Variants in GCFC2 observed in about 807,000 individuals in gnomAD.
GCFC2 encodes the protein intron Large complex component GCFC2.
Under a neutral mutation model 99.4 loss-of-function variants are expected in GCFC2, and 102 were observed. The ratio of observed to expected loss-of-function variants is 1.03; its 90% confidence interval spans 0.87 to 1.21. GCFC2 has a LOEUF of 1.21. Among genes scored for constraint, GCFC2 ranks in the 50% most tolerant of loss-of-function variants. GCFC2 has a pLI of 0.00. For missense variants in GCFC2, 973 were observed against 920.9 expected (o/e 1.06, Z -0.73); for synonymous variants, 338 against 316.8 (o/e 1.07, Z -0.71).
At chr2:75,684,388 A>C (rs1016665164) in intron 11 of GCFC2, among the ~76,000 whole-genome samples, 3 of 152,238 alleles carry the variant, frequency 2.0e-5, no homozygotes, top group Non-Finnish European at 2.9e-5. Flanking sequence ...TACTGGGTAA[A>C]TAAAGAAATG....
In GCFC2 at chr2:75,710,607, G is replaced by T; in HGVS notation, c.249C>A (p.Arg83=). 6.6e-7 allele frequency: 1 copy of T among 1,513,920 alleles called. No individual in the cohort carries two copies. Among genetic ancestry groups the T allele is most frequent in the Non-Finnish European group, 8.8e-7 (1 of 1,138,116 alleles). The allele number at this position is 1,513,920 out of a possible 1,614,324, so 93.8% of individuals were successfully genotyped here. Residue 83 remains arginine (R), a synonymous_variant, in exon 1 of 17, where the codon CGC becomes CGA. Coordinates refer to ENST00000321027, the MANE Select transcript of GCFC2 (RefSeq NM_003203.5). ...SSRRATKAAP[R]ADEGSESRTL... ...CCTGGACACCTGAGCCTTCGTCCGCGCGGGGAGCCGCTTTGGTGGCACGCC... is the reference window on the plus strand; with the variant it reads ...CCTGGACACCTGAGCCTTCGTCCGCTCGGGGAGCCGCTTTGGTGGCACGCC...
At position 75,664,758 on chromosome 2, in the gene GCFC2, T is replaced by G; in HGVS notation, c.2254A>C (p.Ile752Leu). 6.4e-7 allele frequency: 1 copy of G among 1,557,288 alleles called. No homozygotes were observed. The highest frequency in any genetic ancestry group is 8.8e-7 in the Non-Finnish European group (1 of 1,130,200). ...FRDEVEEIILILVKIKALNQA... is the reference protein window; with the variant it reads ...FRDEVEEIILLLVKIKALNQA... Reference sequence around the variant, plus strand: ...TTCAAAGCTTTTATTTTCACCAAAATAAGAATTATTTCTTCGACTTCATCC... The same window carrying G: ...TTCAAAGCTTTTATTTTCACCAAAAGAAGAATTATTTCTTCGACTTCATCC... The change falls in exon 17 of 17, where the codon ATT becomes CTT. Residue 752 changes from isoleucine to leucine, a missense_variant. Transcript: ENST00000321027.
intron 1 of GCFC2, among the ~76,000 whole-genome samples, chr2:75,709,899 G>A (rs1032403086): frequency 5.3e-5 from 8 of 152,070 alleles, no homozygotes; most frequent in Non-Finnish European, 7.4e-5. Flanking sequence ...ACCAAAAACC[G>A]TATTCCTCAT....
At chr2:75,707,749 A>AAATAACG (rs1680939202) in intron 1 of GCFC2, among the ~76,000 whole-genome samples, 2 of 150,900 alleles carry the variant, frequency 1.3e-5, no homozygotes, top group Non-Finnish European at 3.0e-5. Flanking sequence ...CAATAATAAC[A>AAATAACG]TGTTATTTGT....
At chr2:75,668,996 TAAC>T (rs1678970634) in intron 15 of GCFC2, among the ~76,000 whole-genome samples, 1 of 152,142 alleles carries the variant, frequency 6.6e-6, no homozygotes, top group Non-Finnish European at 1.5e-5. Context: ...GTAAGTAAAA[TAAC>T]AACGCCAAAA....
At chr2:75,694,546 G>A (rs1338034277) in intron 5 of GCFC2, 119 bp from the exon 6 acceptor site, 1 of 417,694 alleles carries the variant, frequency 2.4e-6, no homozygotes, top group Non-Finnish European at 4.1e-6. Flanking sequence ...TGGGTTTATA[G>A]ACTAGATAAG....
In GCFC2 at chr2:75,710,572, CCCGCGTCT is replaced by C; in HGVS notation, c.265+11_265+18del. 1 of 1,485,158 alleles carries C rather than the reference CCCGCGTCT, an allele frequency of 6.7e-7. No homozygotes were observed. Among genetic ancestry groups the C allele is most frequent in the Non-Finnish European group, 8.9e-7 (1 of 1,124,812 alleles). The allele number at this position is 1,485,158 out of a possible 1,614,324, so 92.0% of individuals were successfully genotyped here. On this transcript the variant is annotated intron_variant, in intron 1 of 16. Transcript: ENST00000321027. ...CCCTGTGCCGTCACCTCCCCGCTTC[CCCGCGTCT>C]CCCTGGACACCTGAGCCTTCGTCCG...
At chr2:75,711,454 A>T (rs1326083435), upstream of GCFC2, among the ~76,000 whole-genome samples, 2 of 152,232 alleles carry the variant, frequency 1.3e-5, no homozygotes, top group Non-Finnish European at 2.9e-5. Flanking sequence ...CCTTAAAGAA[A>T]CTATCTAAAA....
chr2:75,712,458 C>T (rs920687238), upstream of GCFC2, among the ~76,000 whole-genome samples: 16 of 152,116 alleles, frequency 1.1e-4, no homozygotes, highest in African/African-American at 2.7e-4. Flanking sequence ...GGATTGTAAA[C>T]GCACCAATCA....
At chr2:75,681,889 C>G (rs904657799) in intron 11 of GCFC2, among the ~76,000 whole-genome samples, 5 of 151,960 alleles carry the variant, frequency 3.3e-5, no homozygotes, top group Non-Finnish European at 7.3e-5. Flanking sequence ...CAGACTGCCT[C>G]TCTAGACTCC....
chr2:75,697,425 C>A (rs1242328032), intron 4 of GCFC2, among the ~76,000 whole-genome samples: 7 of 152,210 alleles, frequency 4.6e-5, no homozygotes, highest in Non-Finnish European at 8.8e-5. Flanking sequence ...ATAACCCATT[C>A]AAATATCACC....
intron 4 of GCFC2, among the ~76,000 whole-genome samples, chr2:75,700,144 G>A (rs1032425824): frequency 6.6e-6 from 1 of 152,006 alleles, no homozygotes; most frequent in Non-Finnish European, 1.5e-5. Flanking sequence ...TGATCCACCT[G>A]ACTCAGCCTC....
chr2:75,682,533 C>T (rs1679628169), intron 11 of GCFC2, among the ~76,000 whole-genome samples: 3 of 151,666 alleles, frequency 2.0e-5, no homozygotes, highest in Admixed American at 1.3e-4. Context: ...ACCAGAATGC[C>T]CGTTCTTCAA....
At chr2:75,695,557 G>A (rs1317411958) in intron 5 of GCFC2, among the ~76,000 whole-genome samples, 2 of 152,122 alleles carry the variant, frequency 1.3e-5, no homozygotes, top group African/African-American at 2.4e-5. Flanking sequence ...AAGACATATC[G>A]TAGTCACCCC....
intron 2 of GCFC2, 42 bp from the exon 3 acceptor site, chr2:75,702,465 A>G (rs772882913): frequency 6.7e-7 from 1 of 1,492,142 alleles, no homozygotes; most frequent in African/African-American, 1.4e-5. Context: ...CCAAAGACCA[A>G]TGTAAGTAAA....
In GCFC2 at chr2:75,680,780, C is replaced by T. The variant is rs569927423; in HGVS notation, c.1691-466G>A. 9.6e-4 allele frequency among the ~76,000 whole-genome samples: 146 copies of T among 152,202 alleles called. 1 individual carries two copies. The South Asian group carries it at 0.03, about 31-fold the overall frequency. ...ATTTCCTACTTTATTTTTTCTACTC[C>T]CTTGCATTCTCTTTCAGCTAATTAC... On this transcript the variant is annotated intron_variant, in intron 11 of 16. Coordinates refer to ENST00000321027, the MANE Select transcript of GCFC2 (RefSeq NM_003203.5).
rs761063205 is a variant in GCFC2 at position 75,690,061 on chromosome 2, C to G, written c.1247G>C (p.Arg416Thr). The G allele has an allele frequency of 2.5e-6, 4 of 1,602,206 alleles. No individual in the cohort carries two copies. Among genetic ancestry groups the G allele is most frequent in the Non-Finnish European group, 3.4e-6 (4 of 1,172,192 alleles). The change falls in exon 9 of 17, where the codon AGG becomes ACG. Residue 416 changes from arginine to threonine, a missense_variant. Transcript: ENST00000321027. ...ESRRTKRRQA[R>T]VLSGNCNHQE... is the part of the protein sequence containing the mutation. ...ATGGTTACAATTCCCAGAAAGCACC[C>G]TTGCTTGTCTTCTTTTTGTCCTATA...
intron 7 of GCFC2, among the ~76,000 whole-genome samples, chr2:75,691,036 T>C (rs1329382481): frequency 6.6e-6 from 1 of 152,152 alleles, no homozygotes; most frequent in East Asian, 1.9e-4. Flanking sequence ...CCAGTTTTTT[T>C]CCATAGCCAA....
chr2:75,675,920 C>G (rs1327070872), intron 12 of GCFC2, among the ~76,000 whole-genome samples: 1 of 151,938 alleles, frequency 6.6e-6, no homozygotes, highest in African/African-American at 2.4e-5. Flanking sequence ...CACATACAAC[C>G]CTTTGTGTAT....
Sources: gnomAD v4.1 joint callset for allele counts (sites outside exome capture counted in the v4.1 genomes callset) on GRCh38, gnomAD v4.1.1 for gene constraint, MANE v1.5 for transcripts, NCBI Gene and HGNC (gene_info 2026-07-23, HGNC 2026-07-21) for gene names.